MEF2C: variants seen among roughly 807,000 people sequenced by gnomAD.
The protein encoded by MEF2C is myocyte-specific enhancer factor 2C.
Under a neutral mutation model 50.5 loss-of-function variants are expected in MEF2C, and 6 were observed. The observed-to-expected ratio is 0.12, with a 90% CI of 0.07 to 0.23. The LOEUF (loss-of-function observed/expected upper bound fraction) is 0.23. MEF2C is among the 10% of genes least tolerant of loss of function. The pLI is 1.00. For synonymous variants in MEF2C, 183 were observed against 228.0 expected (o/e 0.80, Z 1.78); for missense variants, 276 against 605.0 (o/e 0.46, Z 5.70).
intron 3 of MEF2C, among the ~76,000 whole-genome samples, chr5:88,793,082 A>G (rs964474943): frequency 3.9e-5 from 6 of 152,114 alleles, no homozygotes; most frequent in Admixed American, 3.3e-4. Flanking sequence ...GGGACAGGCA[A>G]TTGGATAACA....
chr5:88,763,790 T>C (rs561787149), intron 3 of MEF2C, among the ~76,000 whole-genome samples: 1 of 152,098 alleles, frequency 6.6e-6, no homozygotes, highest in South Asian at 2.1e-4. Context: ...GGGCAGTTGG[T>C]ACTACAGGTG....
chr5:88,891,527 C>G (rs1472770567), intron 1 of MEF2C, among the ~76,000 whole-genome samples: 3 of 151,654 alleles, frequency 2.0e-5, no homozygotes, highest in Non-Finnish European at 4.4e-5. Context: ...CTCAGCCTCC[C>G]GAGTAGCTGG....
chr5:88,789,379 G>A (rs1429420454), intron 3 of MEF2C, among the ~76,000 whole-genome samples: 2 of 151,858 alleles, frequency 1.3e-5, no homozygotes, highest in African/African-American at 4.8e-5. Context: ...TGTTGCCCAG[G>A]CTGGTCTTGA....
intron 2 of MEF2C, among the ~76,000 whole-genome samples, chr5:88,813,353 G>C (rs894822498): frequency 6.6e-6 from 1 of 152,086 alleles, no homozygotes; most frequent in Non-Finnish European, 1.5e-5. Context: ...CAGAGAAGGA[G>C]TCCTGTATCA....
chr5:88,762,289 T>A (rs1778222740), intron 3 of MEF2C, among the ~76,000 whole-genome samples: 2 of 152,340 alleles, frequency 1.3e-5, no homozygotes, highest in African/African-American at 4.8e-5. Context: ...CTTGGTTTTT[T>A]AAATTTGAGA....
chr5:88,758,438 T>A (rs1282317276), intron 4 of MEF2C, among the ~76,000 whole-genome samples: 2 of 152,152 alleles, frequency 1.3e-5, no homozygotes, highest in South Asian at 2.1e-4. Flanking sequence ...ATGAATTATT[T>A]TATGTAATTG....
chr5:88,722,285 T>A lies in MEF2C; in HGVS notation c.*319A>T. On this transcript the variant is annotated 3_prime_UTR_variant, in exon 11 of 11. Transcript: ENST00000504921. Reference sequence around the variant, plus strand: ...TTGTCTATTTACATGTAAATAACGTTGAACCTGCAACATGACACTATCTAT... The same window carrying A: ...TTGTCTATTTACATGTAAATAACGTAGAACCTGCAACATGACACTATCTAT... The A allele has an allele frequency of 4.2e-6, 1 of 236,890 alleles. No homozygotes were observed. Among genetic ancestry groups the A allele is most frequent in the Non-Finnish European group, 8.2e-6 (1 of 121,432 alleles). The allele number at this position is 236,890 out of a possible 1,614,324, so 14.7% of individuals were successfully genotyped here. A position where few individuals can be genotyped will look rare whatever the true frequency, so the allele number is the denominator to read the frequency against.
rs564219796 is a variant in MEF2C at position 88,812,621 on chromosome 5, C to G, written c.55-7820G>C. 2.0e-5 allele frequency among the ~76,000 whole-genome samples: 3 copies of G among 152,060 alleles called. No individual in the cohort carries two copies. The East Asian group carries it at 5.8e-4, about 29-fold the overall frequency. ...ATTTGATAATTTTTTCTAAGAAGTT[C>G]AACGATTTTATAATTAATTATCTCC... On this transcript the variant is annotated intron_variant, in intron 2 of 10. Coordinates refer to ENST00000504921, the MANE Select transcript of MEF2C (RefSeq NM_002397.5).
intron 1 of MEF2C, among the ~76,000 whole-genome samples, chr5:88,861,321 C>T (rs1825423461): frequency 6.6e-6 from 1 of 152,228 alleles, no homozygotes. Flanking sequence ...ATTGTTGGAC[C>T]AGGTTCCCTG....
chr5:88,878,128 T>C (rs114902920), intron 1 of MEF2C: 1 of 152,180 alleles, frequency 6.6e-6, no homozygotes, highest in Non-Finnish European at 1.5e-5. Flanking sequence ...TAGTCAAATA[T>C]TGTTAATACA....
chr5:88,737,687 T>C, intron 6 of MEF2C: 2 of 985,332 alleles, frequency 2.0e-6, no homozygotes, highest in African/African-American at 3.5e-5. Context: ...AGAGAAGGAA[T>C]GCAGGACAGA....
chr5:88,888,571 A>G (rs1244107919), intron 1 of MEF2C, among the ~76,000 whole-genome samples: 5 of 152,230 alleles, frequency 3.3e-5, no homozygotes, highest in Non-Finnish European at 5.9e-5. Context: ...TCTTGTAGTC[A>G]CTACCAAGTG....
At chr5:88,886,854 G>C (rs766623470), upstream of MEF2C, among the ~76,000 whole-genome samples, 3 of 152,170 alleles carry the variant, frequency 2.0e-5, no homozygotes, top group Non-Finnish European at 2.9e-5. Context: ...AGCTAATATT[G>C]CAATTTCTGT....
At chr5:88,898,628 C>T (rs1371624440) in intron 1 of MEF2C, among the ~76,000 whole-genome samples, 5 of 152,186 alleles carry the variant, frequency 3.3e-5, no homozygotes, top group African/African-American at 1.2e-4. Flanking sequence ...AAAGGGCCTG[C>T]ACATCTTTGC....
At chr5:88,816,626 G>C (rs1805557212) in intron 2 of MEF2C, among the ~76,000 whole-genome samples, 1 of 151,656 alleles carries the variant, frequency 6.6e-6, no homozygotes, top group Non-Finnish European at 1.5e-5. Context: ...ATAAAAGAAT[G>C]ATTTAACTTA....
chr5:88,798,806 G>A (rs147271113), intron 3 of MEF2C, among the ~76,000 whole-genome samples: 5,833 of 152,252 alleles, frequency 0.038, 175 homozygotes, highest in Non-Finnish European at 0.055. Context: ...TGATGCTGGT[G>A]ACCTTTGGAT....
At chr5:88,778,058 C>G (rs545808561) in intron 3 of MEF2C, among the ~76,000 whole-genome samples, 1 of 152,002 alleles carries the variant, frequency 6.6e-6, no homozygotes, top group South Asian at 2.1e-4. Flanking sequence ...ATGCCCGCCA[C>G]CACGCCCGGC....
At chr5:88,825,521 A>T in intron 1 of MEF2C, 1 of 983,890 alleles carries the variant, frequency 1.0e-6, no homozygotes, top group Non-Finnish European at 1.2e-6. Context: ...AATTCTAAAG[A>T]GTTATAGAAA....
chr5:88,897,481 C>A (rs760685934), intron 1 of MEF2C, among the ~76,000 whole-genome samples: 41 of 152,210 alleles, frequency 2.7e-4, no homozygotes, highest in Non-Finnish European at 7.3e-5. Flanking sequence ...GCTCTACACT[C>A]TCATACGTTC....
Sources: gnomAD v4.1 joint callset for allele counts (sites outside exome capture counted in the v4.1 genomes callset) on GRCh38, gnomAD v4.1.1 for gene constraint, MANE v1.5 for transcripts, NCBI Gene and HGNC (gene_info 2026-07-23, HGNC 2026-07-21) for gene names.